LRFN2: variants seen among roughly 807,000 people sequenced by gnomAD.
LRFN2 encodes the protein leucine-rich repeat and fibronectin type-III domain-containing protein 2.
Under a neutral mutation model 37.3 loss-of-function variants are expected in LRFN2, and 18 were observed. That is an observed-to-expected ratio of 0.48 (90% CI 0.33 to 0.72). LRFN2 has a LOEUF of 0.72. LRFN2 is among the 30% of genes least tolerant of loss of function. LRFN2 has a pLI of 0.02. For missense variants in LRFN2, 1,006 were observed against 1,060.7 expected, an observed-to-expected ratio of 0.95 and a Z score of 0.72; for synonymous variants, 556 against 466.6, an observed-to-expected ratio of 1.19 and a Z score of -2.47.
chr6:40,553,080 T>C (rs1002227987), intron 1 of LRFN2, among the ~76,000 whole-genome samples: 1 of 152,198 alleles, frequency 6.6e-6, no homozygotes, highest in Non-Finnish European at 1.5e-5. Flanking sequence ...CCAACAGTCA[T>C]GCATCTCCCT....
intron 2 of LRFN2, among the ~76,000 whole-genome samples, chr6:40,407,273 C>T (rs1359833396): frequency 6.6e-6 from 1 of 152,188 alleles, no homozygotes; most frequent in Non-Finnish European, 1.5e-5. Flanking sequence ...CCTTAGCTTC[C>T]AGCCCCCAGG....
chr6:40,400,794 CA>C (rs1762722280), intron 2 of LRFN2, among the ~76,000 whole-genome samples: 2 of 151,684 alleles, frequency 1.3e-5, no homozygotes, highest in African/African-American at 4.8e-5. Context: ...TGTGCATATA[CA>C]TATGTGTTTG....
At chr6:40,471,090 G>A (rs1170327646) in intron 1 of LRFN2, among the ~76,000 whole-genome samples, 1 of 152,152 alleles carries the variant, frequency 6.6e-6, no homozygotes, top group Non-Finnish European at 1.5e-5. Context: ...AAAGAAAAAG[G>A]GCTGAGGGGG....
At chr6:40,407,412 C>T (rs1321879101) in intron 2 of LRFN2, among the ~76,000 whole-genome samples, 2 of 152,198 alleles carry the variant, frequency 1.3e-5, no homozygotes, top group Admixed American at 6.5e-5. Flanking sequence ...TCTCTCTGAA[C>T]CTCTGTTTCC....
chr6:40,572,993 G>A (rs1046577149), intron 1 of LRFN2, among the ~76,000 whole-genome samples: 2 of 152,246 alleles, frequency 1.3e-5, no homozygotes, highest in Admixed American at 1.3e-4. Context: ...CCGCCCCAGT[G>A]ATGACTGAGA....
chr6:40,454,039 G>A (rs1396139387), intron 1 of LRFN2, among the ~76,000 whole-genome samples: 1 of 152,136 alleles, frequency 6.6e-6, no homozygotes, highest in African/African-American at 2.4e-5. Flanking sequence ...CTGAAGTGGG[G>A]TCTCCTGTAT....
At chr6:40,487,964 C>T (rs1270945130) in intron 1 of LRFN2, among the ~76,000 whole-genome samples, 1 of 152,156 alleles carries the variant, frequency 6.6e-6, no homozygotes, top group African/African-American at 2.4e-5. Flanking sequence ...GGCTGGTGGG[C>T]AGGGTAAGGG....
intron 1 of LRFN2, among the ~76,000 whole-genome samples, chr6:40,514,670 G>A (rs1384083742): frequency 1.3e-5 from 2 of 152,174 alleles, no homozygotes; most frequent in African/African-American, 2.4e-5. Context: ...GAAAGGTAAA[G>A]GATCTGAGAA....
intron 1 of LRFN2, among the ~76,000 whole-genome samples, chr6:40,521,934 A>G (rs1313943915): frequency 6.6e-6 from 1 of 152,220 alleles, no homozygotes; most frequent in East Asian, 1.9e-4. Context: ...CCATTCTTCC[A>G]TGATCTTGGA....
chr6:40,497,582 A>T (rs1018947704), intron 1 of LRFN2, among the ~76,000 whole-genome samples: 5 of 152,346 alleles, frequency 3.3e-5, no homozygotes, highest in Non-Finnish European at 7.3e-5. Context: ...ACACAAGGTG[A>T]CATCATGTCT....
rs76831209 is a variant in LRFN2, at chr6:40,570,970, G to A, written c.-19+15971C>T. Among the ~76,000 whole-genome samples, 556 of 152,354 alleles carry A rather than the reference G, an allele frequency of 3.6e-3. 2 individuals carry two copies. Among genetic ancestry groups the A allele is most frequent in the African/African-American group, 0.013 (522 of 41,580 alleles). ...CTGAAACATCTTCAGCAAGGTGTGC[G>A]CATTGTCTATGGGAGAATGGCCTAG... On this transcript the variant is annotated intron_variant, in intron 1 of 2. Coordinates refer to ENST00000338305, the MANE Select transcript of LRFN2 (RefSeq NM_020737.3).
chr6:40,551,955 A>T (rs915837076), intron 1 of LRFN2, among the ~76,000 whole-genome samples: 2 of 152,196 alleles, frequency 1.3e-5, no homozygotes, highest in Non-Finnish European at 1.5e-5. Context: ...TGAAGCCCAA[A>T]GAAAAAAAAA....
intron 1 of LRFN2, among the ~76,000 whole-genome samples, chr6:40,433,592 A>G (rs1263472454): frequency 6.6e-6 from 1 of 152,204 alleles, no homozygotes; most frequent in Non-Finnish European, 1.5e-5. Context: ...TTGAGTTTGA[A>G]AGGATATTAT....
intron 1 of LRFN2, among the ~76,000 whole-genome samples, chr6:40,484,755 G>A (rs901268149): frequency 2.0e-5 from 3 of 152,172 alleles, no homozygotes; most frequent in Non-Finnish European, 2.9e-5. Context: ...TCAGAGCCAC[G>A]AAATGCAATA....
intron 1 of LRFN2, among the ~76,000 whole-genome samples, chr6:40,584,419 T>C (rs909198875): frequency 6.6e-6 from 1 of 152,236 alleles, no homozygotes; most frequent in Non-Finnish European, 1.5e-5. Flanking sequence ...CATTCCATTA[T>C]ATGACAACTC....
chr6:40,521,982 A>G (rs1274614020), intron 1 of LRFN2, among the ~76,000 whole-genome samples: 1 of 152,156 alleles, frequency 6.6e-6, no homozygotes, highest in Non-Finnish European at 1.5e-5. Context: ...AGAGTTTCTC[A>G]AGGATTAAGG....
chr6:40,448,728 T>G (rs1406915973), intron 1 of LRFN2, among the ~76,000 whole-genome samples: 2 of 152,226 alleles, frequency 1.3e-5, no homozygotes, highest in Non-Finnish European at 2.9e-5. Flanking sequence ...CCTAATCGTT[T>G]CTCTTAATTC....
chr6:40,438,598 G>A (rs1331186189), intron 1 of LRFN2, among the ~76,000 whole-genome samples: 1 of 152,164 alleles, frequency 6.6e-6, no homozygotes, highest in African/African-American at 2.4e-5. Context: ...CAGAGTAAAG[G>A]AGGCCCCTCT....
At chr6:40,429,246 G>A (rs1385139714) in intron 2 of LRFN2, among the ~76,000 whole-genome samples, 1 of 152,186 alleles carries the variant, frequency 6.6e-6, no homozygotes, top group East Asian at 1.9e-4. Flanking sequence ...GATTACAGGA[G>A]TCTACCCCAA....
Sources: gnomAD v4.1 joint callset for allele counts (sites outside exome capture counted in the v4.1 genomes callset) on GRCh38, gnomAD v4.1.1 for gene constraint, MANE v1.5 for transcripts, NCBI Gene and HGNC (gene_info 2026-07-23, HGNC 2026-07-21) for gene names.